FTO: variants seen among roughly 807,000 people sequenced by gnomAD.
FTO encodes the protein alpha-ketoglutarate-dependent dioxygenase FTO.
A neutral mutation model predicts 63.9 loss-of-function variants in FTO; 47 were observed. The observed-to-expected ratio is 0.74, with a 90% CI of 0.58 to 0.94. The LOEUF (loss-of-function observed/expected upper bound fraction) is 0.94, where lower values mean the gene tolerates loss of function less well. FTO is among the 40% of genes least tolerant of loss of function. The probability of loss-of-function intolerance (pLI) is 0.00; values close to 1 mark genes in which losing one functional copy is unlikely to be tolerated. For synonymous variants in FTO, 207 were observed against 224.4 expected (o/e 0.92, Z 0.69); for missense variants, 562 against 618.1 (o/e 0.91, Z 0.96).
intron 8 of FTO, among the ~76,000 whole-genome samples, chr16:54,075,774 A>T (rs781144267): frequency 6.6e-6 from 1 of 152,192 alleles, no homozygotes; most frequent in Non-Finnish European, 1.5e-5. Flanking sequence ...TTTTCGATGA[A>T]ATTAATCTGT....
chr16:53,826,610 C>A, intron 3 of FTO, 119 bp downstream of exon 3: 1 of 912,106 alleles, frequency 1.1e-6, no homozygotes, highest in Non-Finnish European at 1.8e-6. Context: ...TGCGTGTGTA[C>A]ATGCACATGC....
chr16:53,908,651 G>A (rs1031807103), intron 7 of FTO, among the ~76,000 whole-genome samples: 8 of 152,178 alleles, frequency 5.3e-5, no homozygotes, highest in African/African-American at 1.7e-4. Context: ...TGGCACTTCA[G>A]AGCCATGCAG....
At chr16:54,099,414 T>C (rs1170821692) in intron 8 of FTO, among the ~76,000 whole-genome samples, 2 of 152,236 alleles carry the variant, frequency 1.3e-5, no homozygotes, top group African/African-American at 2.4e-5. Context: ...AGTGGTTCCA[T>C]AGCATTGTGT....
chr16:53,817,248 ACC>A (rs1458289519), intron 2 of FTO, among the ~76,000 whole-genome samples: 1 of 152,186 alleles, frequency 6.6e-6, no homozygotes, highest in Non-Finnish European at 1.5e-5. Context: ...AGCACATGTT[ACC>A]TCAAGTCTTG....
At chr16:54,085,577 T>C (rs916953245) in intron 8 of FTO, among the ~76,000 whole-genome samples, 2 of 152,330 alleles carry the variant, frequency 1.3e-5, no homozygotes, top group Middle Eastern at 6.8e-3. Context: ...TTAAAGTATA[T>C]AGCAACTTCA....
At chr16:53,809,379 A>T (rs1249537309) in intron 1 of FTO, among the ~76,000 whole-genome samples, 1 of 152,214 alleles carries the variant, frequency 6.6e-6, no homozygotes, top group African/African-American at 2.4e-5. Flanking sequence ...ACATATGCTG[A>T]CATTATGCAA....
intron 4 of FTO, among the ~76,000 whole-genome samples, chr16:53,860,490 G>T (rs1243927057): frequency 6.6e-6 from 1 of 152,192 alleles, no homozygotes; most frequent in Non-Finnish European, 1.5e-5. Context: ...AGTTCCCCAG[G>T]CTGTTCAGGA....
chr16:53,853,020 C>T (rs955251190), intron 4 of FTO, among the ~76,000 whole-genome samples: 13 of 152,188 alleles, frequency 8.5e-5, no homozygotes, highest in African/African-American at 3.1e-4. Flanking sequence ...AGGCTAGGTG[C>T]GGTGGCTCAC....
At chr16:53,766,638 C>T (rs1038729585) in intron 1 of FTO, among the ~76,000 whole-genome samples, 1 of 152,066 alleles carries the variant, frequency 6.6e-6, no homozygotes, top group African/African-American at 2.4e-5. Context: ...GTTCAGCACC[C>T]AAGGGACCAT....
chr16:54,086,219 G>A (rs533016954), intron 8 of FTO, among the ~76,000 whole-genome samples: 98 of 152,208 alleles, frequency 6.4e-4, no homozygotes, highest in Non-Finnish European at 4.7e-4. Flanking sequence ...AGCTGTTATT[G>A]GAACAAAAAT....
At chr16:54,006,959 A>C (rs1163692034) in intron 8 of FTO, among the ~76,000 whole-genome samples, 5 of 152,184 alleles carry the variant, frequency 3.3e-5, no homozygotes, top group Non-Finnish European at 5.9e-5. Context: ...CTTTTGGGTG[A>C]GCCAGACTTT....
intron 8 of FTO, among the ~76,000 whole-genome samples, chr16:53,990,822 C>G (rs2083792067): frequency 6.6e-6 from 1 of 152,066 alleles, no homozygotes; most frequent in South Asian, 2.1e-4. Flanking sequence ...TGCCCGCCAC[C>G]ACGCCTGGCT....
intron 1 of FTO, among the ~76,000 whole-genome samples, chr16:53,708,594 A>G (rs2075687073): frequency 6.6e-6 from 1 of 152,372 alleles, no homozygotes; most frequent in African/African-American, 2.4e-5. Flanking sequence ...TAAGAAACTG[A>G]CAAACTGTTT....
At chr16:53,970,590 CAAAA>C (rs750908676) in intron 8 of FTO, among the ~76,000 whole-genome samples, 3 of 65,300 alleles carry the variant, frequency 4.6e-5, no homozygotes, top group African/African-American at 5.2e-5. Flanking sequence ...GACTCCATCT[CAAAA>C]AAAAAAAAAA....
chr16:54,026,449 A>G (rs1446682375), intron 8 of FTO, among the ~76,000 whole-genome samples: 5 of 152,148 alleles, frequency 3.3e-5, no homozygotes, highest in African/African-American at 1.2e-4. Context: ...AACAATCTCT[A>G]CCTAGACTCC....
At chr16:53,956,004 GA>G (rs533126123) in intron 8 of FTO, among the ~76,000 whole-genome samples, 1 of 150,666 alleles carries the variant, frequency 6.6e-6, no homozygotes, top group Admixed American at 6.6e-5. Flanking sequence ...AATAAAAATT[GA>G]AAAAAAAATC....
At position 53,961,144 on chromosome 16, in the gene FTO, C is replaced by CT. The variant is rs200563364; in HGVS notation, c.1364+27047dup. Among the ~76,000 whole-genome samples, 364 of 146,240 alleles carry CT rather than the reference C, an allele frequency of 2.5e-3. 1 individual carries two copies. Among genetic ancestry groups the CT allele is most frequent in the African/African-American group, 7.3e-3 (293 of 40,198 alleles). On this transcript the variant is annotated intron_variant, in intron 8 of 8. Transcript: ENST00000471389. ...AGAGATCCTGCCATCAGAGGCTCTC[C>CT]TTTTTTTTTTTTCCCCTCTCCTGCA... is the stretch of plus-strand genomic sequence containing the variant.
chr16:53,879,811 C>T (rs751062860), intron 5 of FTO, 33 bp from the exon 6 acceptor site: 4 of 1,613,004 alleles, frequency 2.5e-6, no homozygotes, highest in Admixed American at 1.7e-5. Flanking sequence ...TAGATTTTGC[C>T]CATAATTGTG....
intron 1 of FTO, among the ~76,000 whole-genome samples, chr16:53,707,035 C>T (rs1055576800): frequency 6.6e-6 from 1 of 152,112 alleles, no homozygotes; most frequent in Non-Finnish European, 1.5e-5. Context: ...AAGAAATTAC[C>T]AGTTTTCCGA....
Sources: gnomAD v4.1 joint callset for allele counts (sites outside exome capture counted in the v4.1 genomes callset) on GRCh38, gnomAD v4.1.1 for gene constraint, MANE v1.5 for transcripts, NCBI Gene and HGNC (gene_info 2026-07-23, HGNC 2026-07-21) for gene names.